The following DGKI variants were observed in gnomAD, a reference collection of about 807,000 sequenced individuals.
DGKI encodes the protein DAG kinase iota.
In DGKI, 55 loss-of-function variants were observed where a neutral mutation model predicts 147.5. That is an observed-to-expected ratio of 0.37 (90% CI 0.30 to 0.47). The LOEUF (loss-of-function observed/expected upper bound fraction) is 0.47, where lower values mean the gene tolerates loss of function less well. DGKI is among the 20% of genes least tolerant of loss of function. DGKI has a pLI of 1.00. For missense variants in DGKI, 1,007 were observed against 1,323.8 expected, an observed-to-expected ratio of 0.76 and a Z score of 3.71; for synonymous variants, 469 against 477.1, an observed-to-expected ratio of 0.98 and a Z score of 0.22.
chr7:137,782,780 A>G (rs1361026782), intron 1 of DGKI, among the ~76,000 whole-genome samples: 1 of 152,202 alleles, frequency 6.6e-6, no homozygotes, highest in Admixed American at 6.5e-5. Flanking sequence ...GCTGGTAACC[A>G]CAGCTGAAAG....
chr7:137,678,878 A>G (rs1823132201), intron 2 of DGKI, among the ~76,000 whole-genome samples: 1 of 152,254 alleles, frequency 6.6e-6, no homozygotes, highest in African/African-American at 2.4e-5. Flanking sequence ...CATTAGGTTT[A>G]TAGCTGCTTT....
intron 22 of DGKI, among the ~76,000 whole-genome samples, chr7:137,486,746 G>A (rs1426318270): frequency 2.0e-5 from 3 of 152,032 alleles, no homozygotes; most frequent in South Asian, 4.2e-4. Flanking sequence ...AACTCAGAGG[G>A]ATTTTAAACA....
At chr7:137,713,354 A>G (rs779648567) in intron 1 of DGKI, among the ~76,000 whole-genome samples, 5 of 152,178 alleles carry the variant, frequency 3.3e-5, no homozygotes, top group Admixed American at 6.5e-5. Flanking sequence ...GCCTATCTAT[A>G]TGTTTCTACC....
chr7:137,735,237 A>C (rs1305340339), intron 1 of DGKI, among the ~76,000 whole-genome samples: 1 of 152,060 alleles, frequency 6.6e-6, no homozygotes, highest in African/African-American at 2.4e-5. Flanking sequence ...ATATGTTCAA[A>C]CTTATCTTTT....
intron 7 of DGKI, 140 bp from the exon 8 acceptor site, chr7:137,620,080 G>T (rs1820692579): frequency 3.1e-6 from 2 of 649,674 alleles, no homozygotes; most frequent in South Asian, 3.5e-5. Flanking sequence ...AAATACATAT[G>T]CATGCACACA....
At chr7:137,594,898 GTT>G (rs1189836380) in intron 12 of DGKI, among the ~76,000 whole-genome samples, 1 of 152,148 alleles carries the variant, frequency 6.6e-6, no homozygotes, top group Non-Finnish European at 1.5e-5. Context: ...GATAAGCAAA[GTT>G]TTGATTCTAA....
chr7:137,577,937 C>A (rs1217322995), intron 16 of DGKI, among the ~76,000 whole-genome samples: 1 of 152,198 alleles, frequency 6.6e-6, no homozygotes, highest in African/African-American at 2.4e-5. Flanking sequence ...CTTCAGACAT[C>A]CTCAGTCTAC....
At chr7:137,733,592 G>C (rs1482940072) in intron 1 of DGKI, among the ~76,000 whole-genome samples, 1 of 152,008 alleles carries the variant, frequency 6.6e-6, no homozygotes, top group Admixed American at 6.6e-5. Flanking sequence ...CTATACATCA[G>C]GTACTCTACT....
chr7:137,703,360 G>T (rs561336134), intron 1 of DGKI, among the ~76,000 whole-genome samples: 16 of 152,282 alleles, frequency 1.1e-4, no homozygotes, highest in Admixed American at 9.1e-4. Flanking sequence ...CATGAGATTT[G>T]GGTGGGGACA....
At chr7:137,580,058 G>A (rs569549618) in intron 15 of DGKI, among the ~76,000 whole-genome samples, 21 of 152,108 alleles carry the variant, frequency 1.4e-4, no homozygotes, top group East Asian at 5.8e-4. Context: ...AAAAACTTCC[G>A]GATAAGTTAG....
chr7:137,651,990 G>A (rs1017255197), intron 5 of DGKI, among the ~76,000 whole-genome samples: 1 of 152,114 alleles, frequency 6.6e-6, no homozygotes, highest in Non-Finnish European at 1.5e-5. Flanking sequence ...GATCAGAACA[G>A]GTTACAATGA....
chr7:137,843,430 C>T (rs898080629), intron 1 of DGKI: 6 of 985,092 alleles, frequency 6.1e-6, no homozygotes, highest in African/African-American at 5.2e-5. Flanking sequence ...GCTTTACAGT[C>T]GACAGAGACT....
chr7:137,568,530 A>G (rs1818670161), intron 19 of DGKI, among the ~76,000 whole-genome samples: 1 of 152,106 alleles, frequency 6.6e-6, no homozygotes, highest in African/African-American at 2.4e-5. Flanking sequence ...GCTTCCAATC[A>G]GACTTCTCCA....
chr7:137,672,173 C>T (rs567506166), intron 3 of DGKI, among the ~76,000 whole-genome samples: 1 of 152,226 alleles, frequency 6.6e-6, no homozygotes, highest in East Asian at 1.9e-4. Context: ...GTAGACGCAC[C>T]TGTGTGCATA....
rs1585370200 is a variant in DGKI, at chr7:137,685,999, C to G, written c.510+3895G>C. On this transcript the variant is annotated intron_variant, in intron 2 of 32. Coordinates refer to ENST00000614521, the MANE Select transcript of DGKI (RefSeq NM_001321708.2). ...CAGAAAAACTGTAATCAATTCATCC[C>G]CTGACATCAGTAACCAAGCAGCTAC... is the stretch of plus-strand genomic sequence containing the variant. Among the ~76,000 whole-genome samples the G allele has an allele frequency of 6.6e-5, 10 of 152,234 alleles. 3 individuals carry two copies. Among genetic ancestry groups the G allele is most frequent in the Admixed American group, 6.5e-4 (10 of 15,292 alleles).
At chr7:137,661,266 A>T (rs1356648066) in intron 3 of DGKI, among the ~76,000 whole-genome samples, 2 of 152,256 alleles carry the variant, frequency 1.3e-5, no homozygotes, top group Middle Eastern at 3.4e-3. Context: ...TCCCCATCTC[A>T]GAGGAGCTCA....
At chr7:137,466,869 T>A (rs1342332538) in intron 25 of DGKI, 33 bp downstream of exon 25, 2 of 1,611,402 alleles carry the variant, frequency 1.2e-6, no homozygotes, top group Non-Finnish European at 1.7e-6. Flanking sequence ...TGGGAATTTT[T>A]CACTTTCACA....
At chr7:137,511,222 T>C (rs1394378563) in intron 21 of DGKI, among the ~76,000 whole-genome samples, 4 of 152,348 alleles carry the variant, frequency 2.6e-5, no homozygotes, top group African/African-American at 9.6e-5. Context: ...AAGAAATGAA[T>C]ATATAAAAAA....
Position 137,763,800 on chromosome 7 carries a change from C to G in DGKI, c.402-73798G>C, listed in dbSNP as rs10270505. 7.0e-3 allele frequency among the ~76,000 whole-genome samples: 1,068 copies of G among 152,358 alleles called. 12 individuals are homozygous for G. Among genetic ancestry groups the G allele is most frequent in the African/African-American group, 0.025 (1,023 of 41,574 alleles). On this transcript the variant is annotated intron_variant, in intron 1 of 32. Transcript: ENST00000614521. Reference sequence around the variant, plus strand: ...CACCTTCCTCATCCAGAGAGAATTTCAGGCCATGCCTGTCTGCTCCAAGTC... The same window carrying G: ...CACCTTCCTCATCCAGAGAGAATTTGAGGCCATGCCTGTCTGCTCCAAGTC...
Sources: allele counts gnomAD v4.1 joint callset (sites outside exome capture counted in the v4.1 genomes callset), GRCh38; gene constraint gnomAD v4.1.1; transcripts MANE v1.5; gene names NCBI Gene and HGNC (gene_info 2026-07-23, HGNC 2026-07-21).